INSYN2A: variants seen among roughly 807,000 people sequenced by gnomAD.
INSYN2A encodes the protein inhibitory synaptic factor 2A, also known as family with sequence similarity 196 member A.
INSYN2A carries 17 observed loss-of-function variants against 39.4 expected under a neutral mutation model. That is an observed-to-expected ratio of 0.43 (90% CI 0.30 to 0.65). The LOEUF (loss-of-function observed/expected upper bound fraction) is 0.65. Ranked by LOEUF, INSYN2A falls within the 30% of genes least tolerant of loss-of-function variation. The pLI, the probability that INSYN2A is intolerant of heterozygous loss-of-function variation, is 0.14. For missense variants in INSYN2A, 595 were observed against 631.2 expected (o/e 0.94, Z 0.61); for synonymous variants, 255 against 265.7 (o/e 0.96, Z 0.39).
chr10:127,173,546 A>T (rs1020866194), intron 4 of INSYN2A, among the ~76,000 whole-genome samples: 1 of 152,286 alleles, frequency 6.6e-6, no homozygotes. Context: ...TCCTGTGAGT[A>T]TGCACATTAG....
chr10:127,147,484 C>T (rs7092123), intron 5 of INSYN2A, among the ~76,000 whole-genome samples: 157 of 152,228 alleles, frequency 1.0e-3, no homozygotes, highest in African/African-American at 3.2e-3. Context: ...TACGTCCTTG[C>T]ACCTGTGGCT....
At chr10:127,170,527 G>T (rs932168985) in intron 4 of INSYN2A, among the ~76,000 whole-genome samples, 2 of 152,112 alleles carry the variant, frequency 1.3e-5, no homozygotes, top group African/African-American at 4.8e-5. Context: ...CCAGCCAATG[G>T]ACACTTCAAG....
intron 5 of INSYN2A, among the ~76,000 whole-genome samples, chr10:127,139,040 C>T (rs776053339): frequency 6.6e-6 from 1 of 152,144 alleles, no homozygotes; most frequent in African/African-American, 2.4e-5. Flanking sequence ...GGGACCTCTG[C>T]GTTCTGGGCC....
chr10:127,140,793 AG>A (rs2051165461), intron 5 of INSYN2A, among the ~76,000 whole-genome samples: 1 of 152,202 alleles, frequency 6.6e-6, no homozygotes, highest in Non-Finnish European at 1.5e-5. Context: ...ATGGATCAAA[AG>A]GCAGCAACAC....
intron 5 of INSYN2A, 36 bp from the exon 6 acceptor site, chr10:127,138,056 A>G (rs767723563): frequency 1.9e-6 from 3 of 1,551,304 alleles, no homozygotes; most frequent in South Asian, 1.2e-5. Context: ...TTAGCATTTG[A>G]TCTTTTCCAT....
intron 5 of INSYN2A, among the ~76,000 whole-genome samples, chr10:127,149,417 C>T (rs2052254021): frequency 6.6e-6 from 1 of 152,162 alleles, no homozygotes; most frequent in Non-Finnish European, 1.5e-5. Context: ...TTCCCTAGTC[C>T]TCTATATTTC....
intron 5 of INSYN2A, among the ~76,000 whole-genome samples, chr10:127,145,421 C>T (rs766364273): frequency 6.6e-5 from 10 of 152,184 alleles, no homozygotes; most frequent in African/African-American, 1.9e-4. Flanking sequence ...CTTTCTGAGA[C>T]GTAGCCTGCA....
At chr10:127,169,889 C>T (rs117608872) in intron 4 of INSYN2A, among the ~76,000 whole-genome samples, 1 of 152,112 alleles carries the variant, frequency 6.6e-6, no homozygotes. Flanking sequence ...TACCACACTT[C>T]GTCTGTATTA....
Position 127,175,547 on chromosome 10 carries a change from C to T in INSYN2A, c.849G>A (p.Pro283=), listed in dbSNP as rs368886635. 285 of 1,611,290 alleles carry T rather than the reference C, an allele frequency of 1.8e-4. No homozygotes were observed. The highest frequency in any genetic ancestry group is 1.2e-3 in the East Asian group (54 of 44,864). The part of the protein sequence containing the change: ...SAAASQWSLC[P]ADDERRRATH... ...TGGCTCTCCTCCGCTCGTCATCTGC[C>T]GGGCAGAGTGACCACTGGCTGGCGG... Residue 283 remains proline, a synonymous_variant, in exon 4 of 6, where the codon CCG becomes CCA. Transcript: ENST00000522781. This position sits in a 1 kb window ranked among gnomAD's most constrained non-coding sequence, Gnocchi z 6.3.
chr10:127,180,082 T>C (rs1182792267), intron 2 of INSYN2A, among the ~76,000 whole-genome samples: 1 of 152,164 alleles, frequency 6.6e-6, no homozygotes. Flanking sequence ...CCTAACCCAC[T>C]ACCCCTGCTC....
rs1161129735 is a variant in INSYN2A, at chr10:127,137,165, G to A, written c.*672C>T. 1 of 152,646 alleles carries A rather than the reference G, an allele frequency of 6.6e-6. No homozygotes were observed. Among genetic ancestry groups the A allele is most frequent in the Non-Finnish European group, 1.5e-5 (1 of 68,048 alleles). The allele number at this position is 152,646 out of a possible 1,614,324, so 9.5% of individuals were successfully genotyped here. ...TGGCTGCTGGCCATTTGGAAAATGAGCAGTAAACATGTCGTAAGTCTGGAG... is the reference window on the plus strand; with the variant it reads ...TGGCTGCTGGCCATTTGGAAAATGAACAGTAAACATGTCGTAAGTCTGGAG... On this transcript the variant is annotated 3_prime_UTR_variant, in exon 6 of 6. Transcript: ENST00000522781.
In INSYN2A at chr10:127,174,370, C is replaced by A. The variant is rs1288742329; in HGVS notation, c.1184+842G>T. 2.6e-5 allele frequency among the ~76,000 whole-genome samples: 4 copies of A among 152,196 alleles called. No individual in the cohort carries two copies. In the East Asian group the frequency reaches 7.7e-4, roughly 29 times the overall value. On this transcript the variant is annotated intron_variant, in intron 4 of 5. Coordinates refer to ENST00000522781, the MANE Select transcript of INSYN2A (RefSeq NM_001039762.3). ...ACCCCCAGACCCAGAGTAGAACAGG[C>A]TGCTTTGTATCAGCTGAGCACATGC... is the stretch of plus-strand genomic sequence containing the variant.
intron 2 of INSYN2A, among the ~76,000 whole-genome samples, chr10:127,179,088 GT>G (rs2055468476): frequency 6.6e-6 from 1 of 152,160 alleles, no homozygotes; most frequent in Non-Finnish European, 1.5e-5. Context: ...CAATTTACTA[GT>G]AATTTATCAG....
intron 2 of INSYN2A, among the ~76,000 whole-genome samples, 195 bp downstream of exon 2, chr10:127,192,410 A>G (rs528851380): frequency 4.2e-4 from 64 of 152,232 alleles, no homozygotes; most frequent in Non-Finnish European, 7.8e-4. Flanking sequence ...CTCAGTCCCA[A>G]TTAGAGCTGG....
intron 4 of INSYN2A, among the ~76,000 whole-genome samples, chr10:127,168,805 C>A (rs1389104810): frequency 6.6e-6 from 1 of 152,158 alleles, no homozygotes; most frequent in Non-Finnish European, 1.5e-5. Flanking sequence ...GATTCCTCAG[C>A]GTTTATGCAC....
chr10:127,137,231 A>C lies in INSYN2A; in HGVS notation c.*606T>G, dbSNP rs1375012687. On this transcript the variant is annotated 3_prime_UTR_variant, in exon 6 of 6. Transcript: ENST00000522781. The stretch of plus-strand genomic sequence containing the variant: ...AATTTGAGGTGTCGTTGTGACACTG[A>C]GATGTGGTCACTTGGCTTAGCGCTA... The C allele has an allele frequency of 6.6e-6, 1 of 152,620 alleles. No individual in the cohort carries two copies. The highest frequency in any genetic ancestry group is 1.5e-5 in the Non-Finnish European group (1 of 68,046). The allele number at this position is 152,620 out of a possible 1,614,324, so 9.5% of individuals were successfully genotyped here.
intron 5 of INSYN2A, among the ~76,000 whole-genome samples, chr10:127,142,210 AG>A (rs1405898704): frequency 6.6e-6 from 1 of 152,178 alleles, no homozygotes; most frequent in African/African-American, 2.4e-5. Context: ...CTGCTTTCCC[AG>A]GGCGGCTCCA....
intron 4 of INSYN2A, among the ~76,000 whole-genome samples, chr10:127,165,855 C>T (rs1409670480): frequency 6.6e-6 from 1 of 152,202 alleles, no homozygotes; most frequent in Non-Finnish European, 1.5e-5. Flanking sequence ...ACAGATCCTT[C>T]CCAATACACT....
At position 127,176,294 on chromosome 10, in the gene INSYN2A, G is replaced by A; in HGVS notation, c.102C>T (p.Pro34=). The change falls in exon 4 of 6, where the codon CCC becomes CCT. Residue 34 remains proline (P), a synonymous_variant. Transcript: ENST00000522781. This position sits in a 1 kb window ranked among gnomAD's most constrained non-coding sequence, Gnocchi z 4.4. ...TGTTCCGTTTTTTAATCTGCCGGTT[G>A]GGGTCCAGGGCGTATTTCATCTCCA... ...LALEMKYALD[P]NRQIKKRNKA... 6.2e-7 allele frequency: 1 copy of A among 1,614,078 alleles called. No homozygotes were observed. The highest frequency in any genetic ancestry group is 1.3e-5 in the African/African-American group (1 of 75,012).
Sources: allele counts gnomAD v4.1 joint callset (sites outside exome capture counted in the v4.1 genomes callset), GRCh38; gene constraint gnomAD v4.1.1; non-coding constraint Gnocchi (gnomAD v3.1); transcripts MANE v1.5; gene names NCBI Gene and HGNC (gene_info 2026-07-23, HGNC 2026-07-21).